Variants in SIMC1 observed in about 807,000 individuals in gnomAD.
SIMC1 encodes the protein SUMO-interacting motif-containing protein 1.
In SIMC1, 55 loss-of-function variants were observed where a neutral mutation model predicts 82.3. The ratio of observed to expected loss-of-function variants is 0.67; its 90% CI spans 0.54 to 0.84. The LOEUF is 0.84. SIMC1 is among the 40% of genes least tolerant of loss of function. The pLI, the probability that SIMC1 is intolerant of heterozygous loss-of-function variation, is 0.00. For synonymous variants in SIMC1, 353 were observed against 426.3 expected (o/e 0.83, Z 2.12); for missense variants, 915 against 1,107.2 (o/e 0.83, Z 2.46).
intron 5 of SIMC1, 23 bp downstream of exon 5, chr5:176,313,868 G>A (rs199698815): frequency 2.0e-5 from 33 of 1,612,504 alleles, no homozygotes; most frequent in Middle Eastern, 1.9e-4. Context: ...CTGAGCCCTC[G>A]GATGAGAAGA....
At chr5:176,307,914 C>G in intron 4 of SIMC1, 1 of 527,674 alleles carries the variant, frequency 1.9e-6, no homozygotes, top group South Asian at 2.2e-5. Flanking sequence ...AAATGAAAAC[C>G]TGTCAGCCAA....
chr5:176,336,128 A>C (rs1400291190), intron 7 of SIMC1, among the ~76,000 whole-genome samples: 1 of 151,926 alleles, frequency 6.6e-6, no homozygotes, highest in African/African-American at 2.4e-5. Context: ...TTAGAAAGCA[A>C]GAGAAAGAAA....
rs1187789221 is a variant in SIMC1 at position 176,322,667 on chromosome 5, G to A, written c.2042+242G>A. On this transcript the variant is annotated intron_variant, in intron 6 of 9. Coordinates refer to ENST00000429602, the MANE Select transcript of SIMC1 (RefSeq NM_001308195.2). ...AAAGTGAATACGAAGTCACAACGCA[G>A]ATGCAAAACAAATGCTAGAGGACAC... The A allele has an allele frequency of 6.7e-6, 3 of 448,272 alleles. No homozygotes were observed. The East Asian group carries it at 1.0e-4, about 15-fold the overall frequency. 27.8% of individuals were successfully genotyped at this position (448,272 alleles called of 1,614,324 possible).
chr5:176,339,232 C>T (rs1004909611), intron 9 of SIMC1, among the ~76,000 whole-genome samples: 3 of 151,994 alleles, frequency 2.0e-5, no homozygotes, highest in Non-Finnish European at 4.4e-5. Flanking sequence ...GGTATAGTGG[C>T]GGGGTCTTGT....
At chr5:176,342,273 C>T (rs1766182978) in intron 9 of SIMC1, among the ~76,000 whole-genome samples, 2 of 152,174 alleles carry the variant, frequency 1.3e-5, no homozygotes, top group Admixed American at 1.3e-4. Context: ...CTATTTACAA[C>T]CCTCTAAGTC....
chr5:176,273,584 A>G (rs1441382059), intron 1 of SIMC1, among the ~76,000 whole-genome samples: 2 of 152,196 alleles, frequency 1.3e-5, no homozygotes, highest in African/African-American at 2.4e-5. Context: ...TACATGTGAC[A>G]TGCTGGTGCA....
intron 1 of SIMC1, among the ~76,000 whole-genome samples, chr5:176,255,731 A>AG (rs899809113): frequency 1.3e-5 from 2 of 150,122 alleles, no homozygotes; most frequent in African/African-American, 4.9e-5. Flanking sequence ...TAAAAAAAAA[A>AG]AAAGAAAAGA....
chr5:176,280,871 CT>C (rs1441780837), intron 1 of SIMC1, among the ~76,000 whole-genome samples: 1 of 152,116 alleles, frequency 6.6e-6, no homozygotes, highest in Admixed American at 6.5e-5. Context: ...ACATTTTTTC[CT>C]TCATTTCAAC....
At chr5:176,331,660 G>A (rs1765677271) in intron 7 of SIMC1, among the ~76,000 whole-genome samples, 1 of 151,006 alleles carries the variant, frequency 6.6e-6, no homozygotes, top group Non-Finnish European at 1.5e-5. Flanking sequence ...AAAACAGACA[G>A]ACAGATGGAT....
At chr5:176,288,641 CT>C (rs1237177748) in intron 1 of SIMC1, among the ~76,000 whole-genome samples, 2 of 152,184 alleles carry the variant, frequency 1.3e-5, no homozygotes, top group Non-Finnish European at 2.9e-5. Flanking sequence ...CAAGCAATCC[CT>C]ATTCCAGGAT....
At chr5:176,336,267 A>G (rs1261219139) in intron 7 of SIMC1, among the ~76,000 whole-genome samples, 2 of 152,142 alleles carry the variant, frequency 1.3e-5, no homozygotes, top group Non-Finnish European at 1.5e-5. Context: ...CTGGAGCACC[A>G]CTAGCACTTT....
intron 1 of SIMC1, among the ~76,000 whole-genome samples, chr5:176,261,720 G>T (rs1762021222): frequency 6.6e-6 from 1 of 151,412 alleles, no homozygotes; most frequent in Non-Finnish European, 1.5e-5. Context: ...TGCACTCCAG[G>T]CTGGGTGACA....
chr5:176,335,273 C>CTTTTTTTTTT (rs1225021593), intron 7 of SIMC1, among the ~76,000 whole-genome samples: 87 of 98,622 alleles, frequency 8.8e-4, no homozygotes, highest in Non-Finnish European at 1.1e-3. Flanking sequence ...TTCTTTGTAT[C>CTTTTTTTTTT]TTTTTTTTTT....
At chr5:176,321,469 ATCT>A (rs1007910199) in intron 5 of SIMC1, among the ~76,000 whole-genome samples, 7 of 151,604 alleles carry the variant, frequency 4.6e-5, no homozygotes, top group African/African-American at 1.7e-4. Flanking sequence ...ACTGCTATTC[ATCT>A]TCTCTCCTCT....
chr5:176,304,728 A>G (rs1474525707), intron 4 of SIMC1, among the ~76,000 whole-genome samples: 1 of 148,482 alleles, frequency 6.7e-6, no homozygotes, highest in Admixed American at 6.7e-5. Flanking sequence ...CCGCCATCCC[A>G]TCTAGGAAGT....
At position 176,255,442 on chromosome 5, in the gene SIMC1, G is replaced by A. The variant is rs564881412; in HGVS notation, c.129+16805G>A. ...ACTAAAAATACAAAAAATGAGCTGG[G>A]TGTAGTGGCGCACATTCGTAACCCC... is the stretch of plus-strand genomic sequence containing the variant. On this transcript the variant is annotated intron_variant, in intron 1 of 9. Coordinates refer to ENST00000429602, the MANE Select transcript of SIMC1 (RefSeq NM_001308195.2). Among the ~76,000 whole-genome samples, 563 of 152,012 alleles carry A rather than the reference G, an allele frequency of 3.7e-3. 3 individuals carry two copies. Among genetic ancestry groups the A allele is most frequent in the African/African-American group, 0.013 (535 of 41,440 alleles).
chr5:176,250,774 G>A (rs780045936), intron 1 of SIMC1, among the ~76,000 whole-genome samples: 1 of 152,154 alleles, frequency 6.6e-6, no homozygotes, highest in African/African-American at 2.4e-5. Flanking sequence ...TCAGAGACTA[G>A]CATTGCAACC....
At chr5:176,245,130 T>C (rs1761395362) in intron 1 of SIMC1, among the ~76,000 whole-genome samples, 2 of 152,176 alleles carry the variant, frequency 1.3e-5, no homozygotes, top group African/African-American at 2.4e-5. Flanking sequence ...CTACCTCAGA[T>C]TGTGACCTTA....
chr5:176,303,572 G>A (rs140607808), intron 4 of SIMC1, among the ~76,000 whole-genome samples: 3,198 of 151,880 alleles, frequency 0.021, 49 homozygotes, highest in Middle Eastern at 0.068. Flanking sequence ...CGCCCGCCTC[G>A]GCCTCCCGAA....
Sources: gnomAD v4.1 joint callset for allele counts (sites outside exome capture counted in the v4.1 genomes callset) on GRCh38, gnomAD v4.1.1 for gene constraint, MANE v1.5 for transcripts, NCBI Gene and HGNC (gene_info 2026-07-23, HGNC 2026-07-21) for gene names.